The following CYP4F2 variants were observed in gnomAD, a reference collection of about 807,000 sequenced individuals.
CYP4F2 encodes cytochrome P450 4F2.
Under a neutral mutation model 58.9 loss-of-function variants are expected in CYP4F2, and 58 were observed. The observed-to-expected ratio is 0.98, with a 90% confidence interval of 0.80 to 1.23. The LOEUF is 1.23. Ranked by LOEUF, CYP4F2 falls within the 50% of genes most tolerant of loss-of-function variation. The pLI, the probability that CYP4F2 is intolerant of heterozygous loss-of-function variation, is 0.00. For missense variants in CYP4F2, 616 were observed against 685.6 expected (o/e 0.90, Z 1.13); for synonymous variants, 287 against 261.1 (o/e 1.10, Z -0.95).
In CYP4F2 at chr19:15,885,977, G is replaced by A; in HGVS notation, c.1062C>T (p.Cys354=). ...LAKHPEYQER[C]RQEVQELLKD... ...TCAGAAGTTCTTGCACCTCCTGCCG[G>A]CAGCGCTCCTGGTATTCTGGGTGCT... Residue 354 remains cysteine, a synonymous_variant, in exon 9 of 13, where the codon TGC becomes TGT. Coordinates refer to ENST00000221700, the MANE Select transcript of CYP4F2 (RefSeq NM_001082.5). 1.2e-6 allele frequency: 2 copies of A among 1,614,052 alleles called. No homozygotes were observed. Among genetic ancestry groups the A allele is most frequent in the South Asian group, 1.1e-5 (1 of 91,070 alleles).
intron 9 of CYP4F2, among the ~76,000 whole-genome samples, chr19:15,881,419 T>C (rs532239866): frequency 6.6e-6 from 1 of 152,048 alleles, no homozygotes; most frequent in African/African-American, 2.4e-5. Flanking sequence ...GATTCAGAGA[T>C]AGATGATAGA....
rs1006775732 is a variant in CYP4F2, at chr19:15,881,526, T to C, written c.1116-1629A>G. ...GAAACAGAGATACATAGATGATATA[T>C]AGATAGTAGATAGGTATATAGATAC... is the stretch of plus-strand genomic sequence containing the variant. On this transcript the variant is annotated intron_variant, in intron 9 of 12. Transcript: ENST00000221700. Among the ~76,000 whole-genome samples the C allele has an allele frequency of 4.0e-5, 6 of 151,632 alleles. No homozygotes were observed. The East Asian group carries it at 1.2e-3, about 29-fold the overall frequency.
chr19:15,881,871 A>G (rs1287590079), intron 9 of CYP4F2, among the ~76,000 whole-genome samples: 2 of 152,166 alleles, frequency 1.3e-5, no homozygotes, highest in African/African-American at 4.8e-5. Context: ...AACTTATGCT[A>G]AGTGAAGTAA....
intron 9 of CYP4F2, among the ~76,000 whole-genome samples, chr19:15,882,484 A>G (rs1171014807): frequency 2.0e-5 from 3 of 151,638 alleles, no homozygotes; most frequent in Non-Finnish European, 2.9e-5. Flanking sequence ...CATAAAAATG[A>G]TAAATATATG....
At chr19:15,886,988 C>A (rs1221026384) in intron 7 of CYP4F2, among the ~76,000 whole-genome samples, 2 of 152,250 alleles carry the variant, frequency 1.3e-5, no homozygotes, top group East Asian at 3.9e-4. Flanking sequence ...GCCAGTGCCA[C>A]AATCCCACTC....
chr19:15,897,668 G>C lies in CYP4F2; in HGVS notation c.-1-56C>G, dbSNP rs532405807. The C allele has an allele frequency of 3.5e-4, 557 of 1,591,890 alleles. 3 individuals carry two copies. The African/African-American group carries it at 6.7e-3, about 19-fold the overall frequency. ...CCTGAGGCCCAGAGAACGGCCCAGG[G>C]ACCTCCAGGGACAGTGGAGAGGCAG... On this transcript the variant is annotated intron_variant, in intron 1 of 12. Transcript: ENST00000221700.
intron 9 of CYP4F2, among the ~76,000 whole-genome samples, chr19:15,882,292 G>C (rs575384303): frequency 6.6e-6 from 1 of 151,840 alleles, no homozygotes; most frequent in East Asian, 1.9e-4. Flanking sequence ...AATAGAAGCA[G>C]AATGATGGTT....
At chr19:15,892,177 G>T in intron 5 of CYP4F2, 132 bp downstream of exon 5, 2 of 1,453,060 alleles carry the variant, frequency 1.4e-6, no homozygotes, top group South Asian at 1.3e-5. Context: ...TTTTACAGAT[G>T]AGGAAACCAA....
At chr19:15,895,766 C>T (rs2089443889) in intron 2 of CYP4F2, 116 bp from the exon 3 acceptor site, 9 of 1,275,030 alleles carry the variant, frequency 7.1e-6, no homozygotes, top group Non-Finnish European at 9.5e-6. Flanking sequence ...TGTGTCTAAT[C>T]TATTCATCCT....
intron 11 of CYP4F2, 83 bp from the exon 12 acceptor site, chr19:15,879,511 T>C: frequency 6.2e-7 from 1 of 1,607,574 alleles, no homozygotes; most frequent in Non-Finnish European, 8.5e-7. Flanking sequence ...TGTGTGTCTT[T>C]GAGGGAGGTG....
intron 7 of CYP4F2, among the ~76,000 whole-genome samples, chr19:15,888,869 A>C (rs770884526): frequency 2.0e-5 from 3 of 152,260 alleles, no homozygotes; most frequent in Non-Finnish European, 4.4e-5. Flanking sequence ...ACACAAACAC[A>C]GAAAAAAGAC....
chr19:15,885,760 C>T (rs1353172270), intron 9 of CYP4F2, among the ~76,000 whole-genome samples, 164 bp downstream of exon 9: 2 of 152,106 alleles, frequency 1.3e-5, no homozygotes. Flanking sequence ...AACCTTTCCC[C>T]AGACAGTCAG....
chr19:15,895,485 A>G (rs781257333), intron 3 of CYP4F2, 21 bp downstream of exon 3: 3 of 1,475,376 alleles, frequency 2.0e-6, no homozygotes, highest in Non-Finnish European at 1.8e-6. Context: ...GCACTGCCCC[A>G]CCAGCTGTTC....
chr19:15,890,439 C>A lies in CYP4F2; in HGVS notation c.526-6G>T, dbSNP rs192895121. On this transcript the variant is annotated splice_region_variant and splice_polypyrimidine_tract_variant and intron_variant, in intron 5 of 12. Coordinates refer to ENST00000221700, the MANE Select transcript of CYP4F2 (RefSeq NM_001082.5). ...GCCAGGAGCTGCCACTTGGCCTAGC[C>A]AGAGAAGGGGACAGAGCTGGGGCAG... 1.2e-6 allele frequency: 2 copies of A among 1,613,944 alleles called. No individual in the cohort carries two copies. Among genetic ancestry groups the A allele is most frequent in the Non-Finnish European group, 1.7e-6 (2 of 1,179,886 alleles).
intron 3 of CYP4F2, among the ~76,000 whole-genome samples, chr19:15,893,561 A>T (rs3093135): frequency 0.15 from 22,913 of 152,194 alleles, 1,809 homozygotes; most frequent in Non-Finnish European, 0.17. Context: ...CATTGTAGAG[A>T]CACGCCCCAG....
chr19:15,884,392 G>A (rs1198634737), intron 9 of CYP4F2, among the ~76,000 whole-genome samples: 1 of 152,140 alleles, frequency 6.6e-6, no homozygotes, highest in Non-Finnish European at 1.5e-5. Flanking sequence ...AGGTTTGATA[G>A]GAGAAATAAA....
At chr19:15,886,579 A>G in intron 7 of CYP4F2, 1 of 423,736 alleles carries the variant, frequency 2.4e-6, no homozygotes, top group Non-Finnish European at 4.2e-6. Flanking sequence ...TTTCTGAGAA[A>G]AAGTTACTGG....
At chr19:15,895,356 G>T in intron 3 of CYP4F2, 150 bp downstream of exon 3, 1 of 1,130,982 alleles carries the variant, frequency 8.8e-7, no homozygotes, top group Non-Finnish European at 1.2e-6. Context: ...ACGCTGAGAT[G>T]GAAATTGATG....
chr19:15,896,160 C>G (rs551164020), intron 2 of CYP4F2, among the ~76,000 whole-genome samples: 11 of 151,618 alleles, frequency 7.3e-5, no homozygotes, highest in African/African-American at 2.4e-4. Flanking sequence ...TATCTATCTA[C>G]CTACGTGCCT....
Sources: allele counts gnomAD v4.1 joint callset (sites outside exome capture counted in the v4.1 genomes callset), GRCh38; gene constraint gnomAD v4.1.1; transcripts MANE v1.5; gene names NCBI Gene and HGNC (gene_info 2026-07-23, HGNC 2026-07-21).